Variants in ARHGAP15 observed in about 807,000 individuals in gnomAD.
ARHGAP15 encodes rho GTPase-activating protein 15.
Under a neutral mutation model 63.7 loss-of-function variants are expected in ARHGAP15, and 51 were observed. That is an observed-to-expected ratio of 0.80 (90% CI 0.64 to 1.01). The LOEUF (loss-of-function observed/expected upper bound fraction) is 1.01, where lower values mean the gene tolerates loss of function less well. ARHGAP15 is among the 50% of genes least tolerant of loss of function. ARHGAP15 has a pLI of 0.00. For missense variants in ARHGAP15, 560 were observed against 564.6 expected (o/e 0.99, Z 0.08); for synonymous variants, 191 against 193.8 (o/e 0.99, Z 0.12).
At chr2:143,292,976 G>T (rs547770269) in intron 6 of ARHGAP15, among the ~76,000 whole-genome samples, 44 of 151,902 alleles carry the variant, frequency 2.9e-4, no homozygotes, top group African/African-American at 9.7e-4. Flanking sequence ...AGTTTTCTTC[G>T]AACTTTTCCT....
chr2:143,597,748 A>G (rs932194169), intron 11 of ARHGAP15, among the ~76,000 whole-genome samples: 1 of 152,170 alleles, frequency 6.6e-6, no homozygotes, highest in Admixed American at 6.6e-5. Context: ...TTTCAAGCAA[A>G]CAAACCTGAG....
intron 6 of ARHGAP15, among the ~76,000 whole-genome samples, chr2:143,424,118 T>G (rs1449567975): frequency 6.6e-6 from 1 of 152,122 alleles, no homozygotes; most frequent in African/African-American, 2.4e-5. Flanking sequence ...AAATCACTCG[T>G]GGAGCTCTGT....
chr2:143,703,529 G>A lies in ARHGAP15; in HGVS notation c.1244+5G>A, dbSNP rs1409114349. 1 of 1,592,330 alleles carries A rather than the reference G, an allele frequency of 6.3e-7. No homozygotes were observed. The highest frequency in any genetic ancestry group is 1.1e-5 in the South Asian group (1 of 87,056). Reference sequence around the variant, plus strand: ...CCTCTTTGGACATCTAACTAAGTAAGTTGTAAGGATTTCTGGATGTGTCAT... The same window carrying A: ...CCTCTTTGGACATCTAACTAAGTAAATTGTAAGGATTTCTGGATGTGTCAT... On this transcript the variant is annotated splice_donor_5th_base_variant and intron_variant, in intron 13 of 13. Coordinates refer to ENST00000295095, the MANE Select transcript of ARHGAP15 (RefSeq NM_018460.4).
At chr2:143,663,927 C>G (rs1489688332) in intron 12 of ARHGAP15, among the ~76,000 whole-genome samples, 1 of 152,026 alleles carries the variant, frequency 6.6e-6, no homozygotes, top group Non-Finnish European at 1.5e-5. Context: ...CCTGAGTGAC[C>G]TACAAAGAGA....
intron 9 of ARHGAP15, among the ~76,000 whole-genome samples, chr2:143,495,694 A>G (rs1285259296): frequency 1.4e-5 from 2 of 142,138 alleles, no homozygotes; most frequent in South Asian, 4.3e-4. Flanking sequence ...ATGTTTATGA[A>G]TAGCAACATC....
In ARHGAP15 at chr2:143,184,948, G is replaced by GTTGGGAATACAGGCATGAGCCATGTA. The variant is rs532371810; in HGVS notation, c.166-17172_166-17171insATGAGCCATGTATTGGGAATACAGGC. On this transcript the variant is annotated intron_variant, in intron 2 of 13. Transcript: ENST00000295095. ...TCTTCCCTCGTTGGTTTCCCAAAGT[G>GTTGGGAATACAGGCATGAGCCATGTA]TTGGGAATACAGGCTCAGCCAACAC... 9.2e-4 allele frequency among the ~76,000 whole-genome samples: 139 copies of GTTGGGAATACAGGCATGAGCCATGTA among 151,674 alleles called. 1 individual carries two copies. The highest frequency in any genetic ancestry group is 3.3e-3 in the African/African-American group (136 of 41,314).
chr2:143,335,628 T>A (rs1684738646), intron 6 of ARHGAP15, among the ~76,000 whole-genome samples: 1 of 152,204 alleles, frequency 6.6e-6, no homozygotes, highest in Non-Finnish European at 1.5e-5. Context: ...TGCCAAGCAA[T>A]AACCCAGGAA....
At position 143,436,994 on chromosome 2, in the gene ARHGAP15, T is replaced by G. The variant is rs1489124735; in HGVS notation, c.655T>G (p.Tyr219Asp). The change falls in exon 8 of 14, where the codon TAC (tyrosine) becomes GAC (aspartate). Residue 219 changes from tyrosine to aspartate, a missense_variant. Tyr to Asp is a radical substitution (Grantham distance 160). Transcript: ENST00000295095. ...RSSSTELLSH[Y>D]DSDIKEQKPE... ...CTCTAGCACTGAATTGCTAAGTCACTACGACAGTGATATAAAAGAACAGAA... is the reference window on the plus strand; with the variant it reads ...CTCTAGCACTGAATTGCTAAGTCACGACGACAGTGATATAAAAGAACAGAA... 3.7e-6 allele frequency: 6 copies of G among 1,609,046 alleles called. No homozygotes were observed. The Admixed American group carries it at 6.8e-5, about 18-fold the overall frequency.
rs1689398445 is a variant in ARHGAP15 at position 143,431,732 on chromosome 2, C to T, written c.475-3869C>T. Among the ~76,000 whole-genome samples, 4 of 151,962 alleles carry T rather than the reference C, an allele frequency of 2.6e-5. No individual in the cohort carries two copies. In the South Asian group the frequency reaches 8.3e-4, roughly 32 times the overall value. On this transcript the variant is annotated intron_variant, in intron 6 of 13. Transcript: ENST00000295095. ...GATTGTGAGTTCTTGAGGGTGGGGG[C>T]TGTGTATCCCTAGCTTCTAGCAATG...
At chr2:143,346,780 A>G (rs1685320102) in intron 6 of ARHGAP15, among the ~76,000 whole-genome samples, 1 of 152,144 alleles carries the variant, frequency 6.6e-6, no homozygotes, top group Non-Finnish European at 1.5e-5. Context: ...TTTTTGATAT[A>G]ACCCTTAAAT....
chr2:143,625,386 T>C (rs902183408), intron 12 of ARHGAP15, among the ~76,000 whole-genome samples: 2 of 152,156 alleles, frequency 1.3e-5, no homozygotes, highest in African/African-American at 4.8e-5. Context: ...GGCAAAACGG[T>C]ATCAAGAAAA....
At chr2:143,319,070 A>G (rs1447302465) in intron 6 of ARHGAP15, among the ~76,000 whole-genome samples, 5 of 151,892 alleles carry the variant, frequency 3.3e-5, no homozygotes, top group African/African-American at 1.2e-4. Context: ...CTTAATATTC[A>G]TTTTAGCCAT....
rs1035535663 is a variant in ARHGAP15, at chr2:143,254,869, A to T, written c.474+4269A>T. On this transcript the variant is annotated intron_variant, in intron 6 of 13. Transcript: ENST00000295095. ...AAACAAAACAAATTCACTCCTATTA[A>T]AAAAAAAAAAGTTATTTGTATCCAC... Among the ~76,000 whole-genome samples the T allele has an allele frequency of 1.6e-4, 6 of 37,994 alleles. No individual in the cohort carries two copies. The South Asian group carries it at 5.6e-3, about 36-fold the overall frequency. 24.9% of individuals were successfully genotyped at this position (37,994 alleles called of 152,430 possible). A position where few individuals can be genotyped will look rare whatever the true frequency, so the allele number is the denominator to read the frequency against.
intron 6 of ARHGAP15, among the ~76,000 whole-genome samples, chr2:143,285,755 G>A (rs965319784): frequency 7.9e-5 from 12 of 152,096 alleles, no homozygotes; most frequent in Admixed American, 5.9e-4. Flanking sequence ...TATTTAGAGT[G>A]AGATCTACAT....
intron 6 of ARHGAP15, among the ~76,000 whole-genome samples, chr2:143,325,006 G>A (rs547908572): frequency 9.2e-4 from 140 of 152,240 alleles, no homozygotes; most frequent in African/African-American, 3.3e-3. Flanking sequence ...AGTCATGGCT[G>A]GAGAAGAACA....
intron 11 of ARHGAP15, among the ~76,000 whole-genome samples, chr2:143,611,862 C>T (rs550036343): frequency 2.7e-4 from 41 of 152,274 alleles, no homozygotes; most frequent in African/African-American, 9.4e-4. Context: ...TTGGTTCATT[C>T]CCCCTTTACC....
chr2:143,559,320 A>T (rs1695933064), intron 11 of ARHGAP15, among the ~76,000 whole-genome samples: 1 of 152,188 alleles, frequency 6.6e-6, no homozygotes. Flanking sequence ...TTGCAATCCA[A>T]ACTTCAGCGT....
intron 11 of ARHGAP15, among the ~76,000 whole-genome samples, chr2:143,569,113 G>A (rs888179442): frequency 6.6e-6 from 1 of 152,022 alleles, no homozygotes. Context: ...GTATACTTAT[G>A]TAACAAGCCT....
At chr2:143,615,525 A>C (rs1018428043) in intron 11 of ARHGAP15, among the ~76,000 whole-genome samples, 4 of 152,188 alleles carry the variant, frequency 2.6e-5, no homozygotes, top group African/African-American at 9.6e-5. Context: ...ACACAAAATT[A>C]AGAACTCTCA....
Sources: gnomAD v4.1 joint callset for allele counts (sites outside exome capture counted in the v4.1 genomes callset) on GRCh38, gnomAD v4.1.1 for gene constraint, MANE v1.5 for transcripts, NCBI Gene and HGNC (gene_info 2026-07-23, HGNC 2026-07-21) for gene names.